Variants in ATL2 observed in about 807,000 individuals in gnomAD.
ATL2 encodes the protein atlastin-2.
A neutral mutation model predicts 73.9 loss-of-function variants in ATL2; 31 were observed. The observed-to-expected ratio is 0.42, with a 90% CI of 0.32 to 0.57. The LOEUF (loss-of-function observed/expected upper bound fraction) is 0.57. Among genes scored for constraint, ATL2 ranks in the 20% least tolerant of loss-of-function variants. The pLI is 0.14. For missense variants in ATL2, 738 were observed against 702.6 expected (o/e 1.05, Z -0.57); for synonymous variants, 291 against 237.5 (o/e 1.23, Z -2.07).
chr2:38,296,878 C>T lies in ATL2; in HGVS notation c.1633-765G>A, dbSNP rs79945712. Reference sequence around the variant, plus strand: ...TACCTCCAAAATCCTAGAATCAATGCTGTTTAAGAGATGAATATTTCTCAA... The same window carrying T: ...TACCTCCAAAATCCTAGAATCAATGTTGTTTAAGAGATGAATATTTCTCAA... On this transcript the variant is annotated intron_variant, in intron 12 of 12. Transcript: ENST00000378954. 6.8e-3 allele frequency among the ~76,000 whole-genome samples: 1,040 copies of T among 152,252 alleles called. 12 individuals carry two copies. The highest frequency in any genetic ancestry group is 0.056 in the East Asian group (290 of 5,182).
chr2:38,315,347 A>C lies in ATL2; in HGVS notation c.604-13T>G. On this transcript the variant is annotated splice_polypyrimidine_tract_variant and intron_variant, in intron 4 of 12. Coordinates refer to ENST00000378954, the MANE Select transcript of ATL2 (RefSeq NM_001135673.4). ...ACAGATTATATACCTGTTGAAACAA[A>C]ATTTATTTTGTTTTTTATTAGTGTT... 6.7e-7 allele frequency: 1 copy of C among 1,499,120 alleles called. No individual in the cohort carries two copies. Among genetic ancestry groups the C allele is most frequent in the Non-Finnish European group, 8.8e-7 (1 of 1,133,952 alleles). 92.9% of individuals were successfully genotyped at this position (1,499,120 alleles called of 1,614,324 possible). A position where few individuals can be genotyped will look rare whatever the true frequency, so the allele number is the denominator to read the frequency against.
chr2:38,345,103 C>A (rs1006253047), intron 1 of ATL2, among the ~76,000 whole-genome samples: 60 of 152,260 alleles, frequency 3.9e-4, no homozygotes, highest in African/African-American at 1.4e-3. Flanking sequence ...CTTGATCCCA[C>A]GTAGCAACTA....
chr2:38,339,846 G>A (rs560573352), intron 2 of ATL2, among the ~76,000 whole-genome samples: 337 of 151,846 alleles, frequency 2.2e-3, no homozygotes, highest in Non-Finnish European at 4.1e-3. Flanking sequence ...GCATGCCACC[G>A]CGCCCAGCTA....
chr2:38,363,321 T>C (rs903549720), intron 1 of ATL2, among the ~76,000 whole-genome samples: 2 of 142,768 alleles, frequency 1.4e-5, no homozygotes, highest in Non-Finnish European at 3.0e-5. Context: ...TCAGTACTTC[T>C]AGAAACCTGA....
chr2:38,300,913 G>C (rs1459033571), intron 9 of ATL2, among the ~76,000 whole-genome samples: 1 of 148,240 alleles, frequency 6.7e-6, no homozygotes, highest in Admixed American at 6.7e-5. Flanking sequence ...TGTGGTTTAA[G>C]AGTAAGAAGG....
At chr2:38,313,339 T>A in intron 6 of ATL2, 96 bp from the exon 7 acceptor site, 3 of 820,542 alleles carry the variant, frequency 3.7e-6, no homozygotes, top group Non-Finnish European at 3.7e-6. Context: ...CTTACTCTCC[T>A]AAACAATCCT....
intron 1 of ATL2, chr2:38,359,456 T>G (rs1188183495): frequency 6.9e-6 from 1 of 144,120 alleles, no homozygotes; most frequent in Non-Finnish European, 1.5e-5. Context: ...CCAGCCTCAG[T>G]GACAGAACCA....
intron 11 of ATL2, 39 bp downstream of exon 11, chr2:38,299,217 T>G (rs1667061023): frequency 6.8e-7 from 1 of 1,467,470 alleles, no homozygotes. Context: ...TTTAAAAATC[T>G]TCTCACTCCA....
intron 2 of ATL2, among the ~76,000 whole-genome samples, chr2:38,325,341 T>C (rs118136587): frequency 1.3e-5 from 2 of 152,114 alleles, no homozygotes; most frequent in Admixed American, 6.5e-5. Flanking sequence ...GATCAGGAGT[T>C]GAGGTCAGCT....
At chr2:38,343,177 AAGATATAGTTCTG>A in intron 2 of ATL2, 78 bp downstream of exon 2, 8 of 541,646 alleles carry the variant, frequency 1.5e-5, no homozygotes, top group Non-Finnish European at 2.0e-5. Context: ...AAAAAAAAAA[AAGATATAGTTCTG>A]GTTTTTGTCT....
At chr2:38,371,666 G>A (rs1157240284) in intron 1 of ATL2, among the ~76,000 whole-genome samples, 1 of 152,180 alleles carries the variant, frequency 6.6e-6, no homozygotes, top group Non-Finnish European at 1.5e-5. Flanking sequence ...GGGAGGCCAA[G>A]GTGGGTGGAT....
chr2:38,352,790 G>A (rs1392710328), intron 1 of ATL2, among the ~76,000 whole-genome samples: 1 of 152,202 alleles, frequency 6.6e-6, no homozygotes, highest in East Asian at 1.9e-4. Context: ...TCTAGAGTAA[G>A]GCCTACTGAC....
At chr2:38,312,348 C>T (rs543021486) in intron 7 of ATL2, among the ~76,000 whole-genome samples, 7 of 152,260 alleles carry the variant, frequency 4.6e-5, no homozygotes, top group East Asian at 1.9e-4. Flanking sequence ...TGAGTTATCA[C>T]GAGATCTGGT....
intron 1 of ATL2, among the ~76,000 whole-genome samples, chr2:38,360,009 A>T (rs1301420919): frequency 6.6e-6 from 1 of 151,876 alleles, no homozygotes. Context: ...AGATGCCTGT[A>T]ATCCCAGCTA....
At chr2:38,314,088 G>C (rs1667898050) in intron 6 of ATL2, among the ~76,000 whole-genome samples, 1 of 152,124 alleles carries the variant, frequency 6.6e-6, no homozygotes, top group African/African-American at 2.4e-5. Flanking sequence ...CACACACTTA[G>C]GAGCAAACAT....
chr2:38,374,612 G>T (rs1287733372), intron 1 of ATL2, among the ~76,000 whole-genome samples: 1 of 152,182 alleles, frequency 6.6e-6, no homozygotes, highest in Non-Finnish European at 1.5e-5. Flanking sequence ...ACAATTGTGT[G>T]TGTCAAACAG....
At chr2:38,333,754 G>A (rs1053153523) in intron 2 of ATL2, among the ~76,000 whole-genome samples, 1 of 152,174 alleles carries the variant, frequency 6.6e-6, no homozygotes, top group African/African-American at 2.4e-5. Context: ...GTATTTTCAG[G>A]CAACAGGTTC....
chr2:38,367,391 C>T (rs1162566799), intron 1 of ATL2, among the ~76,000 whole-genome samples: 6 of 151,296 alleles, frequency 4.0e-5, no homozygotes, highest in African/African-American at 1.5e-4. Context: ...ATCACGAGGT[C>T]AGGAGATCGA....
chr2:38,354,773 C>G (rs1670562690), intron 1 of ATL2, among the ~76,000 whole-genome samples: 1 of 152,006 alleles, frequency 6.6e-6, no homozygotes, highest in Non-Finnish European at 1.5e-5. Flanking sequence ...CCCTGTAATC[C>G]CAGTTACTCG....
Sources: gnomAD v4.1 joint callset for allele counts (sites outside exome capture counted in the v4.1 genomes callset) on GRCh38, gnomAD v4.1.1 for gene constraint, MANE v1.5 for transcripts, NCBI Gene and HGNC (gene_info 2026-07-23, HGNC 2026-07-21) for gene names.